R3HDM1: variants seen among roughly 807,000 people sequenced by gnomAD.
The protein encoded by R3HDM1 is R3H domain-containing protein 1.
Under a neutral mutation model 141.1 loss-of-function variants are expected in R3HDM1, and 46 were observed. The observed-to-expected ratio is 0.33, with a 90% CI of 0.26 to 0.42. The LOEUF is 0.42. R3HDM1 is among the 10% of genes least tolerant of loss of function. The pLI is 1.00. For missense variants in R3HDM1, 1,184 were observed against 1,368.3 expected (o/e 0.87, Z 2.12); for synonymous variants, 435 against 472.9 (o/e 0.92, Z 1.04).
At chr2:135,723,822 T>C in intron 26 of R3HDM1, 115 bp from the exon 27 acceptor site, 2 of 716,296 alleles carry the variant, frequency 2.8e-6, no homozygotes, top group Non-Finnish European at 4.6e-6. Flanking sequence ...CCTAACAGTT[T>C]TAATTTTGTG....
At position 135,621,518 on chromosome 2, in the gene R3HDM1, C is replaced by A. The variant is rs745689899; in HGVS notation, c.328C>A (p.Gln110Lys). 2.5e-6 allele frequency: 4 copies of A among 1,591,178 alleles called. 1 individual carries two copies. In the South Asian group the frequency reaches 3.5e-5, roughly 14 times the overall value. Residue 110 changes from glutamine (Q) to lysine (K), a missense_variant, in exon 6 of 27, where the codon CAA (glutamine) becomes AAA (lysine). Gln to Lys is a moderately conservative substitution (Grantham distance 53). Transcript: ENST00000683871. ...GGAGAAAATTCAGATCCAGTTAACA[C>A]AATCATTTGAGAAAGAAGAGAAGCC... ...NQEKIQIQLTQSFEKEEKPSK... is the reference protein window; with the variant it reads ...NQEKIQIQLTKSFEKEEKPSK...
chr2:135,652,509 T>C (rs2105281697), intron 18 of R3HDM1, among the ~76,000 whole-genome samples: 1 of 152,316 alleles, frequency 6.6e-6, no homozygotes, highest in South Asian at 2.1e-4. Flanking sequence ...CCCCACTTGG[T>C]TATGATGTAG....
rs59318513 is a variant in R3HDM1, at chr2:135,699,063, T to G, written c.2460-10370T>G. The stretch of plus-strand genomic sequence containing the variant: ...GATAGATAAGATAGATAAGATAGAT[T>G]GATTAGATAGATTAGATAGATAGAT... On this transcript the variant is annotated intron_variant, in intron 21 of 26. Transcript: ENST00000683871. Among the ~76,000 whole-genome samples the G allele has an allele frequency of 4.0e-3, 312 of 78,384 alleles. 7 individuals carry two copies. Among genetic ancestry groups the G allele is most frequent in the Middle Eastern group, 0.015 (2 of 132 alleles). The allele number at this position is 78,384 out of a possible 152,430, so 51.4% of individuals were successfully genotyped here. A position where few individuals can be genotyped will look rare whatever the true frequency, so the allele number is the denominator to read the frequency against.
At chr2:135,586,144 G>A (rs562945481) in intron 1 of R3HDM1, 1 of 152,210 alleles carries the variant, frequency 6.6e-6, no homozygotes, top group Non-Finnish European at 1.5e-5. Context: ...TATTTTAATA[G>A]CGAGAAATCT....
chr2:135,631,939 A>G lies in R3HDM1; in HGVS notation c.636A>G (p.Leu212=), dbSNP rs1475171353. 2 of 1,612,708 alleles carry G rather than the reference A, an allele frequency of 1.2e-6. No individual in the cohort carries two copies. The highest frequency in any genetic ancestry group is 1.1e-5 in the South Asian group (1 of 90,990). ...LLHRVAAYFG[L]DHNVDQSGKS... is the part of the protein sequence containing the mutation. ...ACAGAGTAGCCGCTTACTTTGGATT[A>G]GACCACAATGTTGATCAGAGTGGGA... Residue 212 remains leucine, a synonymous_variant, in exon 9 of 27, where the codon TTA becomes TTG. Coordinates refer to ENST00000683871, the MANE Select transcript of R3HDM1 (RefSeq NM_001378107.1).
Position 135,654,517 on chromosome 2 carries a change from C to G in R3HDM1, c.2028+2485C>G, listed in dbSNP as rs1365378082. ...AGGCTGGAATGCAGTGGTGCAATCT[C>G]AGCTCACTGCAACCTCCGCCTGCCA... On this transcript the variant is annotated intron_variant, in intron 18 of 26. Coordinates refer to ENST00000683871, the MANE Select transcript of R3HDM1 (RefSeq NM_001378107.1). 2.0e-5 allele frequency among the ~76,000 whole-genome samples: 3 copies of G among 152,150 alleles called. No homozygotes were observed. In the East Asian group the frequency reaches 5.8e-4, roughly 29 times the overall value.
intron 1 of R3HDM1, among the ~76,000 whole-genome samples, chr2:135,600,102 G>GTT (rs1559208218): frequency 3.3e-4 from 44 of 133,038 alleles, no homozygotes; most frequent in African/African-American, 1.3e-3. Flanking sequence ...AAGTTCGTAT[G>GTT]ATTTTTTTTT....
intron 1 of R3HDM1, among the ~76,000 whole-genome samples, chr2:135,568,062 GT>G (rs768984784): frequency 6.8e-6 from 1 of 146,298 alleles, no homozygotes. Flanking sequence ...ACATTTTTGT[GT>G]TTTTTTGTTT....
At chr2:135,664,132 T>G (rs2067156002) in intron 19 of R3HDM1, among the ~76,000 whole-genome samples, 1 of 152,140 alleles carries the variant, frequency 6.6e-6, no homozygotes, top group African/African-American at 2.4e-5. Flanking sequence ...CATGATAGTT[T>G]ATTGTTTTTG....
rs565956514 is a variant in R3HDM1 at position 135,556,581 on chromosome 2, C to T, written c.-250+24948C>T. On this transcript the variant is annotated intron_variant, in intron 1 of 26. Transcript: ENST00000683871. ...TCCCCCAGGCTGGAGTGCAGTGGCG[C>T]AATCTTGGCTCACTACAAGCCCTGA... is the stretch of plus-strand genomic sequence containing the variant. 5.3e-5 allele frequency among the ~76,000 whole-genome samples: 8 copies of T among 150,932 alleles called. 1 individual carries two copies. The South Asian group carries it at 6.3e-4, about 12-fold the overall frequency.
intron 19 of R3HDM1, among the ~76,000 whole-genome samples, chr2:135,671,508 T>C (rs541089869): frequency 1.6e-4 from 24 of 152,010 alleles, no homozygotes; most frequent in Middle Eastern, 6.8e-3. Flanking sequence ...TAGCTGGGAT[T>C]ACAGGTATGC....
chr2:135,671,436 C>A (rs2068327614), intron 19 of R3HDM1, among the ~76,000 whole-genome samples: 1 of 151,942 alleles, frequency 6.6e-6, no homozygotes, highest in African/African-American at 2.4e-5. Context: ...ATGGCGCGAT[C>A]TCAGCTCACT....
At chr2:135,622,388 G>A (rs2061594314) in intron 6 of R3HDM1, 1 of 984,202 alleles carries the variant, frequency 1.0e-6, no homozygotes, top group Admixed American at 6.2e-5. Context: ...AGAATTTAGA[G>A]GAAATTAAAC....
chr2:135,722,392 G>A (rs2076781164), intron 25 of R3HDM1, 77 bp from the exon 26 acceptor site: 4 of 1,462,582 alleles, frequency 2.7e-6, no homozygotes, highest in South Asian at 2.5e-5. Flanking sequence ...AGGTGTTTTG[G>A]TGTTAATTTG....
In R3HDM1 at chr2:135,699,024, TAGATAGATAGATAGATAGATAAGA is replaced by T. The variant is rs1236317488; in HGVS notation, c.2460-10408_2460-10385del. Among the ~76,000 whole-genome samples, 35 of 97,614 alleles carry T rather than the reference TAGATAGATAGATAGATAGATAAGA, an allele frequency of 3.6e-4. 1 individual carries two copies. Among genetic ancestry groups the T allele is most frequent in the African/African-American group, 1.1e-3 (31 of 27,892 alleles). The allele number at this position is 97,614 out of a possible 152,430, so 64.0% of individuals were successfully genotyped here. A position where few individuals can be genotyped will look rare whatever the true frequency, so the allele number is the denominator to read the frequency against. ...ATAGATAGATAGATAGATAGATAGA[TAGATAGATAGATAGATAGATAAGA>T]TAGATAAGATAGATTGATTAGATAG... On this transcript the variant is annotated intron_variant, in intron 21 of 26. Coordinates refer to ENST00000683871, the MANE Select transcript of R3HDM1 (RefSeq NM_001378107.1).
intron 18 of R3HDM1, among the ~76,000 whole-genome samples, chr2:135,652,242 T>C (rs2065226383): frequency 6.6e-6 from 1 of 152,194 alleles, no homozygotes; most frequent in African/African-American, 2.4e-5. Context: ...TGGTAAAGTA[T>C]GTGAGCTTTG....
intron 16 of R3HDM1, among the ~76,000 whole-genome samples, chr2:135,646,357 G>A (rs375096403): frequency 1.3e-5 from 2 of 150,718 alleles, no homozygotes; most frequent in African/African-American, 2.4e-5. Context: ...GGATGGTCTC[G>A]ATCTCCTGAC....
At chr2:135,626,209 G>GTGCGTGCTTGCT (rs1553576639) in intron 7 of R3HDM1, among the ~76,000 whole-genome samples, 6 of 143,334 alleles carry the variant, frequency 4.2e-5, no homozygotes, top group Non-Finnish European at 8.9e-5. Flanking sequence ...GCGTGCGTGC[G>GTGCGTGCTTGCT]TGCTTGCTTG....
At chr2:135,617,156 T>C (rs991915704) in intron 5 of R3HDM1, among the ~76,000 whole-genome samples, 2 of 151,856 alleles carry the variant, frequency 1.3e-5, no homozygotes, top group Non-Finnish European at 2.9e-5. Flanking sequence ...ACCCCATCTC[T>C]ACTAAAAAAA....
Sources: gnomAD v4.1 joint callset for allele counts (sites outside exome capture counted in the v4.1 genomes callset) on GRCh38, gnomAD v4.1.1 for gene constraint, MANE v1.5 for transcripts, NCBI Gene and HGNC (gene_info 2026-07-23, HGNC 2026-07-21) for gene names.